The following RBCK1 variants were observed in gnomAD, a reference collection of about 807,000 sequenced individuals.
RBCK1 encodes the protein RANBP2-type and C3HC4-type zinc finger containing 1.
RBCK1 carries 44 observed loss-of-function variants against 71.1 expected under a neutral mutation model. The ratio of observed to expected loss-of-function variants is 0.62; its 90% CI spans 0.49 to 0.80. The LOEUF is 0.80. Ranked by LOEUF, RBCK1 falls within the 30% of genes least tolerant of loss-of-function variation. RBCK1 has a pLI of 0.00. For missense variants in RBCK1, 569 were observed against 685.0 expected (o/e 0.83, Z 1.89); for synonymous variants, 306 against 279.7 (o/e 1.09, Z -0.94).
In RBCK1 at chr20:428,563, GC is replaced by G; in HGVS notation, c.1285del (p.Arg429GlyfsTer7). 6.2e-7 allele frequency: 1 copy of G among 1,612,210 alleles called. No individual in the cohort carries two copies. On this transcript the variant is annotated frameshift_variant, in exon 10 of 12. Transcript: ENST00000356286. LOFTEE classifies it high-confidence loss of function. This position sits in a 1 kb window ranked among gnomAD's most constrained non-coding sequence, Gnocchi z 5.7. ...LALRAQNDVA[A>X]RQTTEMLKVM... is the part of the protein sequence containing the mutation. ...CCTGCGGGCTCAGAACGATGTGGCT[GC>G]CCGGCAGACGACAGAGATGCTGAAG... is the stretch of plus-strand genomic sequence containing the variant.
At chr20:418,780 C>T (rs192038698) in intron 4 of RBCK1, among the ~76,000 whole-genome samples, 1 of 152,194 alleles carries the variant, frequency 6.6e-6, no homozygotes, top group Non-Finnish European at 1.5e-5. Flanking sequence ...ATTCAGTGTG[C>T]ATTTCCTTGA....
chr20:412,799 C>T (rs1008411052), intron 2 of RBCK1, among the ~76,000 whole-genome samples: 1 of 152,088 alleles, frequency 6.6e-6, no homozygotes, highest in African/African-American at 2.4e-5. Flanking sequence ...TGATGATGTC[C>T]AGTTAGTCTA....
At chr20:419,906 CCT>C in intron 6 of RBCK1, 175 bp downstream of exon 6, 1 of 1,422,874 alleles carries the variant, frequency 7.0e-7, no homozygotes. Context: ...TGTGACCTGC[CCT>C]CTCTCAAAGG....
At chr20:416,129 T>G (rs1388155499) in intron 2 of RBCK1, among the ~76,000 whole-genome samples, 1 of 151,486 alleles carries the variant, frequency 6.6e-6, no homozygotes, top group Non-Finnish European at 1.5e-5. Context: ...TAGTTAGAGA[T>G]AAAGTTTCAA....
In RBCK1 at chr20:408,546, C is replaced by A; in HGVS notation, c.-212C>A. On this transcript the variant is annotated 5_prime_UTR_variant, in exon 1 of 12. Coordinates refer to ENST00000356286, the MANE Select transcript of RBCK1 (RefSeq NM_031229.4). The stretch of plus-strand genomic sequence containing the variant: ...GTCTCGGCGCCCGCTGCCCTCTCAC[C>A]GCCCCACGCAGGATCCCGGCCTGGT... 3 of 632,424 alleles carry A rather than the reference C, an allele frequency of 4.7e-6. No homozygotes were observed. Among genetic ancestry groups the A allele is most frequent in the Admixed American group, 2.6e-5 (1 of 38,314 alleles). 39.2% of individuals were successfully genotyped at this position (632,424 alleles called of 1,614,324 possible).
Position 419,634 on chromosome 20 carries a change from G to A in RBCK1, c.659G>A (p.Arg220His). ...RPGCEMCCRA[R>H]PEAYQVPASY... ...GGCTGTGAGATGTGCTGCCGGGCGC[G>A]CCCCGAGGCCTACCAGGTCCCCGCC... Residue 220 changes from arginine to histidine, a missense_variant, in exon 6 of 12, where the codon CGC becomes CAC. Around this residue, in one of 2 missense-constraint regions of RBCK1, gnomAD observed 358 missense variants for 375.6 expected, o/e 0.95. Coordinates refer to ENST00000356286, the MANE Select transcript of RBCK1 (RefSeq NM_031229.4). 2.5e-6 allele frequency: 4 copies of A among 1,588,622 alleles called. No homozygotes were observed. Among genetic ancestry groups the A allele is most frequent in the East Asian group, 2.3e-5 (1 of 43,684 alleles).
At chr20:420,144 G>T in intron 6 of RBCK1, 1 of 984,900 alleles carries the variant, frequency 1.0e-6, no homozygotes, top group Non-Finnish European at 1.2e-6. Flanking sequence ...CCACCTCGCC[G>T]TGACCTCACC....
chr20:430,290 G>A lies in RBCK1; in HGVS notation c.1453-60G>A, dbSNP rs1294384624. On this transcript the variant is annotated intron_variant, in intron 11 of 11. Transcript: ENST00000356286. This position sits in a 1 kb window ranked among gnomAD's most constrained non-coding sequence, Gnocchi z 5.6. ...AAAGGCCCGGGGTGGGAGAGCGCTCGGCTGTGGGGGCAGTCTCTGCACTGC... is the reference window on the plus strand; with the variant it reads ...AAAGGCCCGGGGTGGGAGAGCGCTCAGCTGTGGGGGCAGTCTCTGCACTGC... The A allele has an allele frequency of 1.1e-5, 16 of 1,463,754 alleles. No individual in the cohort carries two copies. The highest frequency in any genetic ancestry group is 2.3e-5 in the South Asian group (2 of 88,030). 90.7% of individuals were successfully genotyped at this position (1,463,754 alleles called of 1,614,324 possible).
Position 431,984 on chromosome 20 carries a change from G to A in RBCK1, c.*1554G>A, listed in dbSNP as rs1013724676. Among the ~76,000 whole-genome samples, 5 of 152,224 alleles carry A rather than the reference G, an allele frequency of 3.3e-5. No homozygotes were observed. Among genetic ancestry groups the A allele is most frequent in the Non-Finnish European group, 7.3e-5 (5 of 68,028 alleles). On this transcript the variant is annotated 3_prime_UTR_variant, in exon 12 of 12. Coordinates refer to ENST00000356286, the MANE Select transcript of RBCK1 (RefSeq NM_031229.4). This position sits in a 1 kb window ranked among gnomAD's most constrained non-coding sequence, Gnocchi z 4.8. ...GGCCTGGTGTCTCTCAGGAGCCTGG[G>A]CATGAGACAAAAGCAGAGATTGTTC...
intron 7 of RBCK1, 38 bp downstream of exon 7, chr20:421,069 A>T: frequency 6.7e-7 from 1 of 1,499,766 alleles, no homozygotes. Flanking sequence ...ATGCAGCTTA[A>T]TCAAAGCCGC....
Position 409,391 on chromosome 20 carries a change from T to C in RBCK1, c.23-490T>C, listed in dbSNP as rs537321012. On this transcript the variant is annotated intron_variant, in intron 1 of 11. Transcript: ENST00000356286. Reference sequence around the variant, plus strand: ...CTCCTCCTTCAGGTCTTAGCTTCAGTGTTACCCCCTCCCAGAGGCCTCCCC... The same window carrying C: ...CTCCTCCTTCAGGTCTTAGCTTCAGCGTTACCCCCTCCCAGAGGCCTCCCC... Among the ~76,000 whole-genome samples, 198 of 152,142 alleles carry C rather than the reference T, an allele frequency of 1.3e-3. 1 individual carries two copies. The highest frequency in any genetic ancestry group is 4.6e-3 in the African/African-American group (192 of 41,508).
rs1568569463 is a variant in RBCK1 at position 430,441 on chromosome 20, G to GT, written c.*12dup. 10 of 1,601,304 alleles carry GT rather than the reference G, an allele frequency of 6.2e-6. No homozygotes were observed. The highest frequency in any genetic ancestry group is 8.6e-6 in the Non-Finnish European group (10 of 1,168,358). The stretch of plus-strand genomic sequence containing the variant: ...CAGAACTGCCACTGAGCTAAAGATG[G>GT]TGGGGCCACATGCTGACCCAGCCCC... On this transcript the variant is annotated 3_prime_UTR_variant, in exon 12 of 12. Coordinates refer to ENST00000356286, the MANE Select transcript of RBCK1 (RefSeq NM_031229.4). The surrounding 1 kb of genome is among the most constrained non-coding windows in gnomAD (Gnocchi z 5.6).
chr20:417,422 T>C lies in RBCK1; in HGVS notation c.168-104T>C, dbSNP rs2016060406. 3 of 875,174 alleles carry C rather than the reference T, an allele frequency of 3.4e-6. No individual in the cohort carries two copies. Among genetic ancestry groups the C allele is most frequent in the South Asian group, 2.7e-5 (2 of 72,734 alleles). The allele number at this position is 875,174 out of a possible 1,614,324, so 54.2% of individuals were successfully genotyped here. A position where few individuals can be genotyped will look rare whatever the true frequency, so the allele number is the denominator to read the frequency against. ...GTGTGTGTGTGTGTGTGTGTGTGTG[T>C]GCATGGCCATGTGCCTGTGTGCAAA... On this transcript the variant is annotated intron_variant, in intron 2 of 11. Coordinates refer to ENST00000356286, the MANE Select transcript of RBCK1 (RefSeq NM_031229.4). This position sits in a 1 kb window ranked among gnomAD's most constrained non-coding sequence, Gnocchi z 4.7.
rs2016321886 is a variant in RBCK1, at chr20:420,466, G to C, written c.757-405G>C. The C allele has an allele frequency of 3.4e-6, 3 of 877,182 alleles. No homozygotes were observed. The African/African-American group carries it at 1.3e-4, about 37-fold the overall frequency. 54.3% of individuals were successfully genotyped at this position (877,182 alleles called of 1,614,324 possible). ...GTCACTTCCCCACCCCTGACGTTGAGTGGCTCCACCAGCCCTGGCCCGGGC... is the reference window on the plus strand; with the variant it reads ...GTCACTTCCCCACCCCTGACGTTGACTGGCTCCACCAGCCCTGGCCCGGGC... On this transcript the variant is annotated intron_variant, in intron 6 of 11. Coordinates refer to ENST00000356286, the MANE Select transcript of RBCK1 (RefSeq NM_031229.4).
In RBCK1 at chr20:429,025, C is replaced by T. The variant is rs1394431102; in HGVS notation, c.1383C>T (p.Asp461=). The part of the protein sequence containing the change: ...QIVVQKKDGC[D]WIRCTVCHTE... The stretch of plus-strand genomic sequence containing the variant: ...TGGTACAGAAGAAGGACGGCTGCGA[C>T]TGGATCCGCTGCACCGTCTGCCACA... The change falls in exon 11 of 12, where the codon GAC becomes GAT. Residue 461 remains aspartate, a synonymous_variant. Transcript: ENST00000356286. 3.7e-6 allele frequency: 6 copies of T among 1,612,500 alleles called. No individual in the cohort carries two copies. Among genetic ancestry groups the T allele is most frequent in the Non-Finnish European group, 5.1e-6 (6 of 1,179,970 alleles).
intron 9 of RBCK1, among the ~76,000 whole-genome samples, chr20:427,720 G>A (rs1004056012): frequency 2.0e-5 from 3 of 152,084 alleles, no homozygotes; most frequent in Non-Finnish European, 4.4e-5. Context: ...AGGCAGCCCT[G>A]GTTCACAATG....
In RBCK1 at chr20:408,418, C is replaced by G. The variant is rs922576541; in HGVS notation, c.-340C>G. ...AGGGGCGCTCCCGCAAGTGGGGGTCCTCCGGGACTTGGAACGCCCCGGCTG... is the reference window on the plus strand; with the variant it reads ...AGGGGCGCTCCCGCAAGTGGGGGTCGTCCGGGACTTGGAACGCCCCGGCTG... On this transcript the variant is annotated 5_prime_UTR_variant, in exon 1 of 12. Transcript: ENST00000356286. The G allele has an allele frequency of 1.5e-5, 7 of 457,748 alleles. No homozygotes were observed. Among genetic ancestry groups the G allele is most frequent in the Non-Finnish European group, 2.7e-5 (7 of 256,560 alleles). 28.4% of individuals were successfully genotyped at this position (457,748 alleles called of 1,614,324 possible). A position where few individuals can be genotyped will look rare whatever the true frequency, so the allele number is the denominator to read the frequency against.
At chr20:416,335 T>A (rs2015991376) in intron 2 of RBCK1, among the ~76,000 whole-genome samples, 1 of 150,790 alleles carries the variant, frequency 6.6e-6, no homozygotes, top group Non-Finnish European at 1.5e-5. Flanking sequence ...TTTTTTTTTG[T>A]ATTTTTAGTA....
chr20:419,412 G>A lies in RBCK1; in HGVS notation c.526G>A (p.Gly176Arg). 3 of 1,610,870 alleles carry A rather than the reference G, an allele frequency of 1.9e-6. No individual in the cohort carries two copies. Among genetic ancestry groups the A allele is most frequent in the Non-Finnish European group, 2.5e-6 (3 of 1,178,934 alleles). The part of the protein sequence containing the change: ...GPLEPGPPKP[G>R]VPQEPGRGQP... ...TCTGGAGCCAGGCCCCCCAAAGCCC[G>A]GGGTCCCCCAGGAACCCGGACGGGG... Residue 176 changes from glycine (G) to arginine (R), a missense_variant, in exon 5 of 12, where the codon GGG becomes AGG. Transcript: ENST00000356286.
Sources: allele counts gnomAD v4.1 joint callset (sites outside exome capture counted in the v4.1 genomes callset), GRCh38; gene constraint gnomAD v4.1.1; regional missense constraint gnomAD v4.1.1; non-coding constraint Gnocchi (gnomAD v3.1); transcripts MANE v1.5; gene names NCBI Gene and HGNC (gene_info 2026-07-23, HGNC 2026-07-21).